Variants in PPIL6 observed in about 807,000 individuals in gnomAD.
The protein encoded by PPIL6 is peptidylprolyl isomerase like 6.
A neutral mutation model predicts 36.8 loss-of-function variants in PPIL6; 39 were observed. The ratio of observed to expected loss-of-function variants is 1.06; its 90% CI spans 0.82 to 1.38. The LOEUF (loss-of-function observed/expected upper bound fraction) is 1.38, where lower values mean the gene tolerates loss of function less well. Among genes scored for constraint, PPIL6 ranks in the 40% most tolerant of loss-of-function variants. The pLI is 0.00. For missense variants in PPIL6, 368 were observed against 379.1 expected, an observed-to-expected ratio of 0.97 and a Z score of 0.24; for synonymous variants, 123 against 134.1, an observed-to-expected ratio of 0.92 and a Z score of 0.57.
At chr6:109,405,238 A>G (rs2115209493) in intron 6 of PPIL6, among the ~76,000 whole-genome samples, 1 of 152,142 alleles carries the variant, frequency 6.6e-6, no homozygotes, top group Non-Finnish European at 1.5e-5. Context: ...CCCCTCTCTC[A>G]CCCAAAAGGA....
At chr6:109,441,132 A>C (rs751177773), upstream of PPIL6, 1 of 1,614,102 alleles carries the variant, frequency 6.2e-7, no homozygotes, top group Non-Finnish European at 8.5e-7. Context: ...ATGAAGCCCA[A>C]CTTCTCCCTG....
chr6:109,434,376 C>G (rs1297944994), intron 2 of PPIL6, among the ~76,000 whole-genome samples: 1 of 151,854 alleles, frequency 6.6e-6, no homozygotes, highest in African/African-American at 2.4e-5. Flanking sequence ...GCCAAAATAG[C>G]GAGACCCTGT....
upstream of PPIL6, chr6:109,441,132 A>G (rs751177773): frequency 2.5e-6 from 4 of 1,613,984 alleles, no homozygotes; most frequent in South Asian, 1.1e-5. Context: ...ATGAAGCCCA[A>G]CTTCTCCCTG....
At position 109,392,792 on chromosome 6, in the gene PPIL6, T is replaced by C; in HGVS notation, c.*34A>G. The C allele has an allele frequency of 1.7e-6, 2 of 1,197,290 alleles. No homozygotes were observed. Among genetic ancestry groups the C allele is most frequent in the Non-Finnish European group, 2.4e-6 (2 of 824,466 alleles). 74.2% of individuals were successfully genotyped at this position (1,197,290 alleles called of 1,614,324 possible). On this transcript the variant is annotated 3_prime_UTR_variant, in exon 8 of 8. Transcript: ENST00000521072. ...CACAAACAGCTGATCAGATACAAAG[T>C]AATAAATTATCACAGAAAATATTGA... is the stretch of plus-strand genomic sequence containing the variant.
chr6:109,409,526 T>C (rs927460065), intron 6 of PPIL6, among the ~76,000 whole-genome samples: 62 of 151,514 alleles, frequency 4.1e-4, no homozygotes, highest in African/African-American at 1.5e-3. Context: ...ATCACGCCAC[T>C]GCACCCCAGC....
intron 2 of PPIL6, among the ~76,000 whole-genome samples, chr6:109,434,417 A>G (rs1438726057): frequency 6.6e-6 from 1 of 151,974 alleles, no homozygotes; most frequent in Non-Finnish European, 1.5e-5. Flanking sequence ...AAGAATATAT[A>G]TGTGTGTTTG....
chr6:109,427,093 C>T lies in PPIL6; in HGVS notation c.483+1G>A. On this transcript the variant is annotated splice_donor_variant, in intron 4 of 7. Coordinates refer to ENST00000521072, the MANE Select transcript of PPIL6 (RefSeq NM_173672.5). LOFTEE classifies it high-confidence loss of function. ...AACTTACATATAAAAAAAAGTATCA[C>T]CTCAAAAATCAATCTTCCAATTGGA... is the stretch of plus-strand genomic sequence containing the variant. 1 of 1,608,664 alleles carries T rather than the reference C, an allele frequency of 6.2e-7. No homozygotes were observed. The highest frequency in any genetic ancestry group is 8.5e-7 in the Non-Finnish European group (1 of 1,175,628).
At chr6:109,429,672 T>C (rs1232184009) in intron 3 of PPIL6, among the ~76,000 whole-genome samples, 1 of 152,166 alleles carries the variant, frequency 6.6e-6, no homozygotes, top group Non-Finnish European at 1.5e-5. Flanking sequence ...GTTAATCTCA[T>C]TGAAGGTGGA....
chr6:109,406,938 A>G (rs1032358953), intron 6 of PPIL6, among the ~76,000 whole-genome samples: 6 of 152,190 alleles, frequency 3.9e-5, no homozygotes, highest in African/African-American at 1.4e-4. Context: ...TCTTTCAGAA[A>G]AGAAATCTCC....
chr6:109,399,504 G>A (rs1772440125), intron 7 of PPIL6, among the ~76,000 whole-genome samples: 2 of 152,230 alleles, frequency 1.3e-5, no homozygotes, highest in Admixed American at 1.3e-4. Flanking sequence ...CCAGGTTCAT[G>A]TGATTCTCCT....
chr6:109,404,226 G>A (rs1366768739), intron 6 of PPIL6, among the ~76,000 whole-genome samples: 1 of 152,212 alleles, frequency 6.6e-6, no homozygotes, highest in Non-Finnish European at 1.5e-5. Flanking sequence ...CAGGCAAGGA[G>A]ATGAGTGAAC....
At chr6:109,393,017 C>A in intron 7 of PPIL6, 80 bp from the exon 8 acceptor site, 1 of 759,154 alleles carries the variant, frequency 1.3e-6, no homozygotes, top group Non-Finnish European at 2.2e-6. Flanking sequence ...TGGGGTCCTA[C>A]CCAGCTATAG....
intron 5 of PPIL6, 150 bp downstream of exon 5, chr6:109,426,697 T>C: frequency 2.2e-6 from 1 of 451,058 alleles, no homozygotes; most frequent in Non-Finnish European, 3.9e-6. Context: ...TACAAATATC[T>C]TACTTCATTA....
chr6:109,433,167 C>T (rs1774253257), intron 2 of PPIL6, among the ~76,000 whole-genome samples: 1 of 152,010 alleles, frequency 6.6e-6, no homozygotes, highest in African/African-American at 2.4e-5. Flanking sequence ...AGTGATTCTC[C>T]TGCCTCAGCC....
chr6:109,402,201 C>T (rs950011845), intron 6 of PPIL6, among the ~76,000 whole-genome samples: 80 of 152,152 alleles, frequency 5.3e-4, no homozygotes, highest in African/African-American at 1.9e-3. Context: ...ATCAAAGAAA[C>T]TGCTACCTAT....
intron 2 of PPIL6, among the ~76,000 whole-genome samples, chr6:109,435,687 G>A (rs1562275532): frequency 6.6e-6 from 1 of 152,194 alleles, no homozygotes; most frequent in Non-Finnish European, 1.5e-5. Context: ...CACTTTGGGA[G>A]GCCGAGGTGG....
Position 109,392,911 on chromosome 6 carries a change from A to G in PPIL6, c.851T>C (p.Leu284Pro), listed in dbSNP as rs1402630175. 6.2e-7 allele frequency: 1 copy of G among 1,611,278 alleles called. No individual in the cohort carries two copies. The highest frequency in any genetic ancestry group is 1.1e-5 in the South Asian group (1 of 90,680). ...TGTTGGAACTAATTCTAGTTGTTTA[A>G]GCACTTCTGTTCCTTCAATCAGTTG... ...FGQLIEGTEV[L>P]KQLELVPTQN... Residue 284 changes from leucine to proline, a missense_variant, in exon 8 of 8, where the codon CTT becomes CCT. Transcript: ENST00000521072.
At chr6:109,397,329 C>T (rs1468561480) in intron 7 of PPIL6, among the ~76,000 whole-genome samples, 1 of 152,020 alleles carries the variant, frequency 6.6e-6, no homozygotes, top group Admixed American at 6.6e-5. Flanking sequence ...CAAAAGGAGA[C>T]CGAGTGCTCT....
chr6:109,440,585 T>C lies in PPIL6; in HGVS notation c.6A>G (p.Ala2=), dbSNP rs1213780457. ...GCGGGGGCCCGCACGGCTGCGGCCT[T>C]GCCATGGCCGCGCCCGGGGACGCCC... is the stretch of plus-strand genomic sequence containing the variant. M[A]RPQPCGPPHA... Residue 2 remains alanine (A), a synonymous_variant, in exon 1 of 8, where the codon GCA becomes GCG. Coordinates refer to ENST00000521072, the MANE Select transcript of PPIL6 (RefSeq NM_173672.5). 1.5e-6 allele frequency: 2 copies of C among 1,363,512 alleles called. No homozygotes were observed. The highest frequency in any genetic ancestry group is 1.9e-6 in the Non-Finnish European group (2 of 1,059,882). The allele number at this position is 1,363,512 out of a possible 1,614,324, so 84.5% of individuals were successfully genotyped here. A position where few individuals can be genotyped will look rare whatever the true frequency, so the allele number is the denominator to read the frequency against.
Sources: allele counts gnomAD v4.1 joint callset (sites outside exome capture counted in the v4.1 genomes callset), GRCh38; gene constraint gnomAD v4.1.1; transcripts MANE v1.5; gene names NCBI Gene and HGNC (gene_info 2026-07-23, HGNC 2026-07-21).